Variants in REV3L observed in about 807,000 individuals in gnomAD.
REV3L encodes the protein REV3 like, DNA directed polymerase zeta catalytic subunit.
REV3L carries 69 observed loss-of-function variants against 299.4 expected under a neutral mutation model. That is an observed-to-expected ratio of 0.23 (90% CI 0.19 to 0.28). The LOEUF (loss-of-function observed/expected upper bound fraction) is 0.28. REV3L is among the 10% of genes least tolerant of loss of function. The pLI is 1.00. For synonymous variants in REV3L, 1,238 were observed against 1,271.4 expected (o/e 0.97, Z 0.56); for missense variants, 3,128 against 3,693.8 (o/e 0.85, Z 3.97).
At chr6:111,386,959 T>G (rs1289608353) in intron 9 of REV3L, among the ~76,000 whole-genome samples, 69 of 152,034 alleles carry the variant, frequency 4.5e-4, no homozygotes, top group Admixed American at 4.5e-3. Context: ...TGACCTCAGG[T>G]GATCCGCCTG....
At chr6:111,371,360 C>T (rs1167690935) in intron 13 of REV3L, among the ~76,000 whole-genome samples, 1 of 152,000 alleles carries the variant, frequency 6.6e-6, no homozygotes, top group Non-Finnish European at 1.5e-5. Context: ...TGTGTGTGTG[C>T]GTGCGCTCAC....
rs1212962708 is a variant in REV3L, at chr6:111,322,550, A to G, written c.8351+19T>C. 3.1e-6 allele frequency: 5 copies of G among 1,589,696 alleles called. No individual in the cohort carries two copies. Among genetic ancestry groups the G allele is most frequent in the Middle Eastern group, 1.7e-4 (1 of 6,032 alleles). On this transcript the variant is annotated intron_variant, in intron 26 of 31. Transcript: ENST00000368802. Reference sequence around the variant, plus strand: ...CTAGAGAGATGCAAAAGACAACTACAAAACCAAAAACCCATTACCTGTCAG... The same window carrying G: ...CTAGAGAGATGCAAAAGACAACTACGAAACCAAAAACCCATTACCTGTCAG...
At chr6:111,322,926 A>G (rs1774346148) in intron 25 of REV3L, among the ~76,000 whole-genome samples, 1 of 152,168 alleles carries the variant, frequency 6.6e-6, no homozygotes, top group Non-Finnish European at 1.5e-5. Flanking sequence ...CAGTAAGTGG[A>G]CTGCACTTGT....
At chr6:111,338,357 A>C (rs1776145508) in intron 21 of REV3L, among the ~76,000 whole-genome samples, 1 of 70,510 alleles carries the variant, frequency 1.4e-5, no homozygotes, top group African/African-American at 6.6e-5. Context: ...TTTTTTAAAT[A>C]AGACTGATCT....
At position 111,372,696 on chromosome 6, in the gene REV3L, T is replaced by A; in HGVS notation, c.5659A>T (p.Arg1887Trp). The A allele has an allele frequency of 6.2e-7, 1 of 1,600,138 alleles. No homozygotes were observed. The highest frequency in any genetic ancestry group is 1.1e-5 in the South Asian group (1 of 87,872). ...AACAAAGTTGCCATAATTTCTTCCC[T>A]ACTTGGGGGGGACATAAGTGGTTTC... ...ILKPLMSPPSREEIMATLLDH... is the reference protein window; with the variant it reads ...ILKPLMSPPSWEEIMATLLDH... The change falls in exon 13 of 32, where the codon AGG (arginine) becomes TGG (tryptophan). Residue 1887 changes from arginine to tryptophan, a missense_variant. By Grantham distance (101) the Arg-to-Trp change is moderately radical. This residue lies in a region of REV3L where 2,409 missense variants were observed against 2,611.8 expected (regional missense o/e 0.92). Transcript: ENST00000368802.
chr6:111,429,168 T>C (rs529538707), intron 1 of REV3L, among the ~76,000 whole-genome samples: 58 of 152,344 alleles, frequency 3.8e-4, no homozygotes, highest in African/African-American at 1.3e-3. Flanking sequence ...TTTTGGTTTG[T>C]CTTTTTATTT....
intron 1 of REV3L, among the ~76,000 whole-genome samples, chr6:111,418,803 G>C (rs1785024875): frequency 6.6e-6 from 1 of 152,072 alleles, no homozygotes; most frequent in South Asian, 2.1e-4. Flanking sequence ...AAAACTCTTA[G>C]GGAGGTGTTA....
rs186752381 is a variant in REV3L, at chr6:111,326,637, C to A, written c.8241+2895G>T. Among the ~76,000 whole-genome samples the A allele has an allele frequency of 1.3e-4, 20 of 151,218 alleles. No individual in the cohort carries two copies. In the East Asian group the frequency reaches 3.7e-3, roughly 28 times the overall value. On this transcript the variant is annotated intron_variant, in intron 25 of 31. Coordinates refer to ENST00000368802, the MANE Select transcript of REV3L (RefSeq NM_001372078.1). ...CCAAAAAAAAAAATGGAAATCGGTACATTGAATTGATATCTGCACTCCCAT... is the reference window on the plus strand; with the variant it reads ...CCAAAAAAAAAAATGGAAATCGGTAAATTGAATTGATATCTGCACTCCCAT...
At position 111,479,555 on chromosome 6, in the gene REV3L, G is replaced by T. The variant is rs1225269239; in HGVS notation, c.139+3195C>A. 2.1e-5 allele frequency among the ~76,000 whole-genome samples: 3 copies of T among 145,190 alleles called. No homozygotes were observed. In the Admixed American group the frequency reaches 2.1e-4, roughly 10 times the overall value. ...GACAGGCTCTTGCTCTGTTGCCCAG[G>T]CTGGAGTGCAGTGGCGTGATCTTGG... On this transcript the variant is annotated intron_variant, in intron 1 of 31. Coordinates refer to ENST00000368802, the MANE Select transcript of REV3L (RefSeq NM_001372078.1).
At chr6:111,388,723 C>T (rs1219020120) in intron 7 of REV3L, among the ~76,000 whole-genome samples, 1 of 152,146 alleles carries the variant, frequency 6.6e-6, no homozygotes, top group Non-Finnish European at 1.5e-5. Flanking sequence ...TCAATGGCTA[C>T]ATTTTCAAAG....
intron 26 of REV3L, among the ~76,000 whole-genome samples, chr6:111,321,844 T>C (rs551491244): frequency 7.2e-4 from 110 of 152,248 alleles, no homozygotes; most frequent in Admixed American, 6.3e-3. Flanking sequence ...GTCCCCAATA[T>C]GGAAAAAATT....
At chr6:111,428,998 T>C (rs1337965317) in intron 1 of REV3L, among the ~76,000 whole-genome samples, 3 of 152,010 alleles carry the variant, frequency 2.0e-5, no homozygotes, top group Admixed American at 2.0e-4. Context: ...AAGAAGTAAA[T>C]GATGTATACA....
At position 111,310,957 on chromosome 6, in the gene REV3L, A is replaced by C. The variant is rs1414049599; in HGVS notation, c.8795+112T>G. The stretch of plus-strand genomic sequence containing the variant: ...ACTTTCAGTGAGGCTTCATGTGCGC[A>C]GGTAAAGAAACAATTTTGTGTCTGT... On this transcript the variant is annotated intron_variant, in intron 29 of 31. Coordinates refer to ENST00000368802, the MANE Select transcript of REV3L (RefSeq NM_001372078.1). 4.2e-6 allele frequency: 3 copies of C among 715,240 alleles called. No individual in the cohort carries two copies. The Admixed American group carries it at 8.9e-5, about 21-fold the overall frequency. The allele number at this position is 715,240 out of a possible 1,614,324, so 44.3% of individuals were successfully genotyped here. A position where few individuals can be genotyped will look rare whatever the true frequency, so the allele number is the denominator to read the frequency against.
intron 21 of REV3L, among the ~76,000 whole-genome samples, chr6:111,337,395 G>T (rs1337590101): frequency 2.6e-5 from 4 of 152,072 alleles, no homozygotes; most frequent in Non-Finnish European, 1.5e-5. Flanking sequence ...CCATATTTAT[G>T]TTTTGTAGCT....
chr6:111,405,045 T>C (rs557576677), intron 4 of REV3L, among the ~76,000 whole-genome samples: 37 of 151,992 alleles, frequency 2.4e-4, no homozygotes, highest in Non-Finnish European at 4.9e-4. Context: ...ACTCCAGGGA[T>C]TTCTAGAATT....
At position 111,387,803 on chromosome 6, in the gene REV3L, T is replaced by C. The variant is rs139443633; in HGVS notation, c.1058A>G (p.Asn353Ser). ...SPEMLQCTPANMVEVHKDKES... is the reference protein window; with the variant it reads ...SPEMLQCTPASMVEVHKDKES... ...TTTGTCTTTGTGAACTTCTACCATA[T>C]TGGCTGGTGTACACTGAAGCATTTC... is the stretch of plus-strand genomic sequence containing the variant. The change falls in exon 9 of 32, where the codon AAT becomes AGT. Residue 353 changes from asparagine to serine, a missense_variant. Asn to Ser is a conservative substitution (Grantham distance 46). Around this residue, in one of 9 missense-constraint regions of REV3L, gnomAD observed 2,409 missense variants for 2,611.8 expected, o/e 0.92. Coordinates refer to ENST00000368802, the MANE Select transcript of REV3L (RefSeq NM_001372078.1). 9.2e-5 allele frequency: 149 copies of C among 1,613,980 alleles called. 1 individual carries two copies. The African/African-American group carries it at 1.6e-3, about 18-fold the overall frequency.
At chr6:111,311,344 T>A in intron 28 of REV3L, 85 bp from the exon 29 acceptor site, 1 of 1,000,102 alleles carries the variant, frequency 1.0e-6, no homozygotes, top group Non-Finnish European at 1.4e-6. Context: ...ATTATGTAAC[T>A]ACTGGGTAAC....
At position 111,381,461 on chromosome 6, in the gene REV3L, A is replaced by G. The variant is rs758122304; in HGVS notation, c.1097-17T>C. On this transcript the variant is annotated splice_polypyrimidine_tract_variant and intron_variant, in intron 9 of 31. Transcript: ENST00000368802. ...TAGTGTGACCTTAATTTGACAAAGA[A>G]TAAAAAAAATTGAAGCAATGGCCTA... The G allele has an allele frequency of 4.4e-6, 7 of 1,588,352 alleles. No homozygotes were observed. In the African/African-American group the frequency reaches 6.8e-5, roughly 15 times the overall value.
At chr6:111,307,276 A>G in intron 31 of REV3L, 85 bp downstream of exon 31, 1 of 1,183,206 alleles carries the variant, frequency 8.5e-7, no homozygotes, top group Non-Finnish European at 1.3e-6. Context: ...CCAGTTTTGT[A>G]TCTCACACTA....
Sources: allele counts gnomAD v4.1 joint callset (sites outside exome capture counted in the v4.1 genomes callset), GRCh38; gene constraint gnomAD v4.1.1; regional missense constraint gnomAD v4.1.1; transcripts MANE v1.5; gene names NCBI Gene and HGNC (gene_info 2026-07-23, HGNC 2026-07-21).